The following ARHGAP24 variants were observed in gnomAD, a reference collection of about 807,000 sequenced individuals.
ARHGAP24 encodes the protein Rho GTPase activating protein 24.
A neutral mutation model predicts 76.4 loss-of-function variants in ARHGAP24; 50 were observed. The ratio of observed to expected loss-of-function variants is 0.65; its 90% CI spans 0.52 to 0.83. The LOEUF (loss-of-function observed/expected upper bound fraction) is 0.83. ARHGAP24 is among the 40% of genes least tolerant of loss of function. The probability of loss-of-function intolerance (pLI) is 0.00; values close to 1 mark genes in which losing one functional copy is unlikely to be tolerated. For synonymous variants in ARHGAP24, 345 were observed against 323.3 expected (o/e 1.07, Z -0.72); for missense variants, 930 against 914.2 (o/e 1.02, Z -0.22).
intron 3 of ARHGAP24, among the ~76,000 whole-genome samples, chr4:85,848,407 C>G (rs1013522446): frequency 2.1e-4 from 32 of 152,134 alleles, no homozygotes; most frequent in Non-Finnish European, 4.4e-4. Context: ...TTGTTCAATT[C>G]CCACCTATGA....
intron 1 of ARHGAP24, among the ~76,000 whole-genome samples, chr4:85,483,176 G>T (rs1722882045): frequency 6.6e-6 from 1 of 152,138 alleles, no homozygotes. Context: ...ATTAAATTCA[G>T]TGACAAACAG....
intron 3 of ARHGAP24, among the ~76,000 whole-genome samples, chr4:85,830,939 A>G (rs1007821139): frequency 5.3e-5 from 8 of 152,110 alleles, no homozygotes; most frequent in Non-Finnish European, 8.8e-5. Context: ...TGCCTCATTT[A>G]TCTTGAATGC....
chr4:85,551,545 C>T (rs1429405084), intron 1 of ARHGAP24, among the ~76,000 whole-genome samples: 1 of 152,054 alleles, frequency 6.6e-6, no homozygotes, highest in Non-Finnish European at 1.5e-5. Context: ...TGATGCTGGC[C>T]TTATAGAATG....
At chr4:85,571,727 T>C (rs538995918) in intron 2 of ARHGAP24, among the ~76,000 whole-genome samples, 1 of 152,300 alleles carries the variant, frequency 6.6e-6, no homozygotes, top group South Asian at 2.1e-4. Context: ...GCTACTACTT[T>C]TTAGGCATTT....
chr4:85,832,716 G>C (rs1209394184), intron 3 of ARHGAP24, among the ~76,000 whole-genome samples: 6 of 152,170 alleles, frequency 3.9e-5, no homozygotes, highest in African/African-American at 1.2e-4. Flanking sequence ...TAGAAAAAAA[G>C]TACCACCAAA....
At chr4:85,595,322 C>T (rs1470549584) in intron 2 of ARHGAP24, among the ~76,000 whole-genome samples, 3 of 152,090 alleles carry the variant, frequency 2.0e-5, no homozygotes, top group African/African-American at 4.8e-5. Flanking sequence ...GTTTGTTTTG[C>T]GCTCAGTTCG....
chr4:85,925,814 T>C (rs1265004426), intron 4 of ARHGAP24, among the ~76,000 whole-genome samples: 1 of 152,116 alleles, frequency 6.6e-6, no homozygotes, highest in Non-Finnish European at 1.5e-5. Context: ...CATCTGGTAA[T>C]GTTTGCTAGC....
intron 3 of ARHGAP24, among the ~76,000 whole-genome samples, chr4:85,899,177 A>G (rs968632243): frequency 6.6e-6 from 1 of 152,218 alleles, no homozygotes; most frequent in Non-Finnish European, 1.5e-5. Context: ...AAACTATTTT[A>G]GTTTTGGGAA....
At chr4:85,558,209 G>A (rs1578034203) in intron 1 of ARHGAP24, among the ~76,000 whole-genome samples, 1 of 152,154 alleles carries the variant, frequency 6.6e-6, no homozygotes, top group African/African-American at 2.4e-5. Context: ...AGGGATGGTG[G>A]CATCAACGAG....
chr4:85,570,398 CTTTCTTTCTTTCTTTCTTT>C (rs1727086426), intron 1 of ARHGAP24, 105 bp from the exon 2 acceptor site: 3 of 156,852 alleles, frequency 1.9e-5, no homozygotes, highest in Non-Finnish European at 3.0e-5. Flanking sequence ...TTCTTTCTTT[CTTTCTTTCTTTCTTTCTTT>C]CCTCTCTCTC....
chr4:85,496,165 G>A (rs1723574959), intron 1 of ARHGAP24, among the ~76,000 whole-genome samples: 1 of 152,202 alleles, frequency 6.6e-6, no homozygotes, highest in Non-Finnish European at 1.5e-5. Context: ...TATGAAGAGT[G>A]AGTGTTTAGA....
intron 2 of ARHGAP24, among the ~76,000 whole-genome samples, chr4:85,602,838 A>G (rs1720078816): frequency 6.6e-6 from 1 of 152,190 alleles, no homozygotes; most frequent in Non-Finnish European, 1.5e-5. Context: ...GTTCTTGATG[A>G]AAAGCAATTT....
intron 5 of ARHGAP24, among the ~76,000 whole-genome samples, chr4:85,947,322 A>G (rs1045141253): frequency 1.3e-5 from 2 of 152,086 alleles, no homozygotes; most frequent in African/African-American, 2.4e-5. Context: ...GCTGTGTAGA[A>G]GTTCTCTAGT....
intron 3 of ARHGAP24, among the ~76,000 whole-genome samples, chr4:85,910,388 C>G (rs1369576421): frequency 6.6e-6 from 1 of 152,184 alleles, no homozygotes; most frequent in African/African-American, 2.4e-5. Flanking sequence ...AGTTCTTGTC[C>G]TGCGACCAAG....
At chr4:85,707,157 C>CTCA (rs1724345220) in intron 2 of ARHGAP24, among the ~76,000 whole-genome samples, 1 of 152,200 alleles carries the variant, frequency 6.6e-6, no homozygotes, top group South Asian at 2.1e-4. Flanking sequence ...AAAAAATCCT[C>CTCA]TCACCTTGTC....
intron 3 of ARHGAP24, among the ~76,000 whole-genome samples, chr4:85,796,807 A>G (rs1461574075): frequency 2.6e-5 from 4 of 151,756 alleles, no homozygotes; most frequent in Non-Finnish European, 4.4e-5. Context: ...TTGACTCACT[A>G]GACCTCACGG....
At chr4:85,724,131 C>G (rs890431236) in intron 3 of ARHGAP24, among the ~76,000 whole-genome samples, 1 of 152,154 alleles carries the variant, frequency 6.6e-6, no homozygotes, top group African/African-American at 2.4e-5. Flanking sequence ...GGCCGTGGGC[C>G]TACCTGGCAG....
intron 2 of ARHGAP24, among the ~76,000 whole-genome samples, chr4:85,682,987 A>T (rs981482648): frequency 6.6e-6 from 1 of 152,012 alleles, no homozygotes; most frequent in Non-Finnish European, 1.5e-5. Flanking sequence ...GGTACATTAC[A>T]ATAAATGAGG....
chr4:85,959,351 A>C (rs1401789326), intron 5 of ARHGAP24, among the ~76,000 whole-genome samples: 3 of 152,160 alleles, frequency 2.0e-5, no homozygotes, highest in Non-Finnish European at 2.9e-5. Flanking sequence ...TTTCATCAGC[A>C]GGGTCTTTAT....
Sources: gnomAD v4.1 joint callset for allele counts (sites outside exome capture counted in the v4.1 genomes callset) on GRCh38, gnomAD v4.1.1 for gene constraint, MANE v1.5 for transcripts, NCBI Gene and HGNC (gene_info 2026-07-23, HGNC 2026-07-21) for gene names.